The following BMP2K variants were observed in gnomAD, a reference collection of about 807,000 sequenced individuals.
The protein encoded by BMP2K is BMP2 inducible kinase.
A neutral mutation model predicts 116.0 loss-of-function variants in BMP2K; 74 were observed. The observed-to-expected ratio is 0.64, with a 90% CI of 0.53 to 0.77. The LOEUF (loss-of-function observed/expected upper bound fraction) is 0.77. BMP2K is among the 30% of genes least tolerant of loss of function. The pLI is 0.00. For synonymous variants in BMP2K, 486 were observed against 502.5 expected (o/e 0.97, Z 0.44); for missense variants, 1,365 against 1,403.6 (o/e 0.97, Z 0.44).
intron 3 of BMP2K, among the ~76,000 whole-genome samples, chr4:78,841,640 C>CCTGT (rs1217588143): frequency 6.6e-6 from 1 of 152,028 alleles, no homozygotes; most frequent in Non-Finnish European, 1.5e-5. Context: ...ATGGCTGATC[C>CCTGT]CTGTCTGCCT....
intron 15 of BMP2K, among the ~76,000 whole-genome samples, chr4:78,898,631 T>C (rs1733833847): frequency 6.7e-6 from 1 of 150,228 alleles, no homozygotes; most frequent in Admixed American, 6.6e-5. Flanking sequence ...AGTCCTTCCA[T>C]TGGGCGACAG....
At chr4:78,871,722 G>A (rs1177655950) in intron 11 of BMP2K, 128 bp from the exon 12 acceptor site, 4 of 537,272 alleles carry the variant, frequency 7.4e-6, no homozygotes, top group African/African-American at 3.9e-5. Flanking sequence ...GTAATTTAGA[G>A]TATAGCTATT....
At chr4:78,853,023 AC>A (rs1410690305) in intron 7 of BMP2K, among the ~76,000 whole-genome samples, 1 of 152,212 alleles carries the variant, frequency 6.6e-6, no homozygotes, top group African/African-American at 2.4e-5. Context: ...AATAAATCCT[AC>A]ATTCAGAAAA....
rs748324010 is a variant in BMP2K at position 78,911,645 on chromosome 4, A to G, written c.3098A>G (p.Asn1033Ser). The G allele has an allele frequency of 4.3e-6, 7 of 1,613,868 alleles. No individual in the cohort carries two copies. The highest frequency in any genetic ancestry group is 1.7e-5 in the Admixed American group (1 of 60,006). The change falls in exon 16 of 16, where the codon AAT (asparagine) becomes AGT (serine). Residue 1033 changes from asparagine to serine, a missense_variant. By Grantham distance (46) the Asn-to-Ser change is conservative. Coordinates refer to ENST00000502613, the MANE Select transcript of BMP2K (RefSeq NM_198892.2). ...GGCCGCCGAGACTCTCAAAGTAGCA[A>G]TGAATTTTTAACCATCTCAGACTCC... ...KVGRRDSQSS[N>S]EFLTISDSKE...
intron 1 of BMP2K, among the ~76,000 whole-genome samples, chr4:78,800,443 C>A (rs1332838250): frequency 2.0e-5 from 3 of 152,152 alleles, no homozygotes; most frequent in Non-Finnish European, 4.4e-5. Flanking sequence ...TACCATGTTT[C>A]CTAACCTACC....
At chr4:78,879,546 T>C (rs190957805) in intron 14 of BMP2K, 532 of 583,054 alleles carry the variant, frequency 9.1e-4, no homozygotes, top group African/African-American at 1.0e-3. Context: ...AAGAATGATG[T>C]GAGTGTTTTG....
In BMP2K at chr4:78,915,712, T is replaced by C. The variant is rs1373907700; in HGVS notation, c.*3679T>C. ...AAAAATGGAATTGCAACCACAATCA[T>C]ATCTAAGAGAACATTCACTCCTAGT... On this transcript the variant is annotated 3_prime_UTR_variant, in exon 16 of 16. Transcript: ENST00000502613. 1.3e-5 allele frequency: 2 copies of C among 152,036 alleles called. No individual in the cohort carries two copies. Among genetic ancestry groups the C allele is most frequent in the Non-Finnish European group, 2.9e-5 (2 of 67,932 alleles). The allele number at this position is 152,036 out of a possible 1,614,324, so 9.4% of individuals were successfully genotyped here. A position where few individuals can be genotyped will look rare whatever the true frequency, so the allele number is the denominator to read the frequency against.
chr4:78,872,033 A>G, intron 12 of BMP2K, 85 bp downstream of exon 12: 1 of 994,784 alleles, frequency 1.0e-6, no homozygotes, highest in Middle Eastern at 2.9e-4. Flanking sequence ...TTCAGAATTT[A>G]GTAATTCAAA....
intron 1 of BMP2K, among the ~76,000 whole-genome samples, chr4:78,821,957 T>A (rs1427838707): frequency 3.3e-5 from 5 of 152,204 alleles, no homozygotes; most frequent in African/African-American, 1.2e-4. Flanking sequence ...AATAATTGCT[T>A]AATAGAAGGA....
At chr4:78,860,375 C>G (rs1035634225) in intron 8 of BMP2K, among the ~76,000 whole-genome samples, 7 of 151,744 alleles carry the variant, frequency 4.6e-5, no homozygotes, top group African/African-American at 1.7e-4. Flanking sequence ...TAAATAGACC[C>G]AGATTCAGTT....
At chr4:78,880,436 A>G (rs1232114878) in intron 14 of BMP2K, among the ~76,000 whole-genome samples, 1 of 152,260 alleles carries the variant, frequency 6.6e-6, no homozygotes, top group Non-Finnish European at 1.5e-5. Context: ...ATAGGATTAT[A>G]TTTAAAGCAA....
chr4:78,849,437 T>C lies in BMP2K; in HGVS notation c.751-1487T>C, dbSNP rs1432400236. On this transcript the variant is annotated intron_variant, in intron 6 of 15. Transcript: ENST00000502613. ...TTAAAGTATACTTGCATTGCTAAAATTGTTATCTGGGAACCCTACAACATT... is the reference window on the plus strand; with the variant it reads ...TTAAAGTATACTTGCATTGCTAAAACTGTTATCTGGGAACCCTACAACATT... 4.6e-5 allele frequency among the ~76,000 whole-genome samples: 7 copies of C among 151,714 alleles called. No homozygotes were observed. In the East Asian group the frequency reaches 1.4e-3, roughly 29 times the overall value.
intron 4 of BMP2K, among the ~76,000 whole-genome samples, chr4:78,843,595 A>C (rs1162255604): frequency 6.6e-6 from 1 of 151,984 alleles, no homozygotes; most frequent in Non-Finnish European, 1.5e-5. Flanking sequence ...AGAAAATGTC[A>C]CTAAAAATAT....
Position 78,873,710 on chromosome 4 carries a change from A to G in BMP2K, c.1793+912A>G, listed in dbSNP as rs190104220. The stretch of plus-strand genomic sequence containing the variant: ...TGTGTGTGTGTGTGTGTGTGTATGC[A>G]TGCATGCATGTGTGTGCACATGTGC... On this transcript the variant is annotated intron_variant, in intron 13 of 15. Transcript: ENST00000502613. Among the ~76,000 whole-genome samples, 644 of 146,640 alleles carry G rather than the reference A, an allele frequency of 4.4e-3. 17 individuals carry two copies. The highest frequency in any genetic ancestry group is 0.039 in the Admixed American group (568 of 14,726).
At chr4:78,906,360 A>AG (rs939390775) in intron 15 of BMP2K, among the ~76,000 whole-genome samples, 4 of 152,222 alleles carry the variant, frequency 2.6e-5, no homozygotes, top group African/African-American at 7.2e-5. Context: ...AGTTTTATGT[A>AG]GGGGGGCAAA....
chr4:78,795,948 G>C (rs1461786742), intron 1 of BMP2K, among the ~76,000 whole-genome samples: 1 of 151,534 alleles, frequency 6.6e-6, no homozygotes, highest in Non-Finnish European at 1.5e-5. Flanking sequence ...TGGTGGGACT[G>C]TAAACTAGTT....
At chr4:78,831,454 G>A (rs1183803591) in intron 2 of BMP2K, among the ~76,000 whole-genome samples, 1 of 152,140 alleles carries the variant, frequency 6.6e-6, no homozygotes, top group Non-Finnish European at 1.5e-5. Context: ...GCATAATAAA[G>A]CAAAGTACCA....
intron 7 of BMP2K, among the ~76,000 whole-genome samples, chr4:78,851,954 T>A (rs1054754727): frequency 1.3e-5 from 2 of 152,130 alleles, no homozygotes; most frequent in Non-Finnish European, 2.9e-5. Context: ...TAGAAATATT[T>A]ATTACTCATT....
intron 2 of BMP2K, among the ~76,000 whole-genome samples, chr4:78,829,340 G>A (rs1317878171): frequency 6.6e-6 from 1 of 151,804 alleles, no homozygotes; most frequent in Non-Finnish European, 1.5e-5. Flanking sequence ...TTCATAAGAA[G>A]CAGCTCCTCA....
Sources: gnomAD v4.1 joint callset for allele counts (sites outside exome capture counted in the v4.1 genomes callset) on GRCh38, gnomAD v4.1.1 for gene constraint, MANE v1.5 for transcripts, NCBI Gene and HGNC (gene_info 2026-07-23, HGNC 2026-07-21) for gene names.